Variants in OXCT1 observed in about 807,000 individuals in gnomAD.
OXCT1 encodes the protein 3-oxoacid CoA-transferase 1.
In OXCT1, 27 loss-of-function variants were observed where a neutral mutation model predicts 69.6. The observed-to-expected ratio is 0.39, with a 90% CI of 0.29 to 0.54. The LOEUF is 0.54. OXCT1 is among the 20% of genes least tolerant of loss of function. The pLI is 0.72. For missense variants in OXCT1, 437 were observed against 650.2 expected, an observed-to-expected ratio of 0.67 and a Z score of 3.57; for synonymous variants, 202 against 217.8, an observed-to-expected ratio of 0.93 and a Z score of 0.64.
chr5:41,787,919 G>GA (rs976521025), intron 13 of OXCT1, among the ~76,000 whole-genome samples: 12 of 151,884 alleles, frequency 7.9e-5, no homozygotes, highest in Non-Finnish European at 1.6e-4. Flanking sequence ...CAAGCAGAAG[G>GA]AAAAAAACAT....
At chr5:41,770,654 C>T (rs1283580743) in intron 13 of OXCT1, among the ~76,000 whole-genome samples, 3 of 152,104 alleles carry the variant, frequency 2.0e-5, no homozygotes, top group Non-Finnish European at 4.4e-5. Flanking sequence ...CTCAATGTTT[C>T]TGAGGCCAAA....
Position 41,794,505 on chromosome 5 carries a change from T to C in OXCT1, c.1172+172A>G, listed in dbSNP as rs566689628. 8 of 655,482 alleles carry C rather than the reference T, an allele frequency of 1.2e-5. No homozygotes were observed. The South Asian group carries it at 1.5e-4, about 12-fold the overall frequency. The allele number at this position is 655,482 out of a possible 1,614,324, so 40.6% of individuals were successfully genotyped here. On this transcript the variant is annotated intron_variant, in intron 12 of 16. Transcript: ENST00000196371. The stretch of plus-strand genomic sequence containing the variant: ...TCTTTTCCTAACAGTGGGCTGGATA[T>C]TCAATGCCCAACATTCGATGTGAAT...
chr5:41,819,237 T>G (rs1261511890), intron 7 of OXCT1, among the ~76,000 whole-genome samples: 2 of 152,190 alleles, frequency 1.3e-5, no homozygotes, highest in Non-Finnish European at 1.5e-5. Flanking sequence ...AAGATAATTT[T>G]TTTTTAGGAG....
chr5:41,861,643 G>A (rs1749745102), intron 2 of OXCT1, among the ~76,000 whole-genome samples: 1 of 152,146 alleles, frequency 6.6e-6, no homozygotes, highest in Non-Finnish European at 1.5e-5. Context: ...TAAGCCAAGT[G>A]CAACCAGTTT....
intron 3 of OXCT1, among the ~76,000 whole-genome samples, chr5:41,856,571 C>T (rs1160040676): frequency 6.6e-6 from 1 of 152,146 alleles, no homozygotes; most frequent in Non-Finnish European, 1.5e-5. Context: ...CTCTTTCCTA[C>T]CCCCGGCACT....
At chr5:41,856,969 A>G (rs909079779) in intron 3 of OXCT1, among the ~76,000 whole-genome samples, 3 of 152,032 alleles carry the variant, frequency 2.0e-5, no homozygotes, top group Admixed American at 2.0e-4. Context: ...ATTCCCCCAA[A>G]TTCAACTCCA....
intron 13 of OXCT1, among the ~76,000 whole-genome samples, chr5:41,767,019 C>A (rs2112121256): frequency 6.6e-6 from 1 of 152,210 alleles, no homozygotes; most frequent in African/African-American, 2.4e-5. Context: ...TATCTGTCTT[C>A]CCCATTATTA....
At chr5:41,855,928 G>A (rs567725774) in intron 3 of OXCT1, among the ~76,000 whole-genome samples, 1 of 152,242 alleles carries the variant, frequency 6.6e-6, no homozygotes, top group Admixed American at 6.5e-5. Context: ...TGGGGTGGAG[G>A]TGTAGAGAAA....
Position 41,731,739 on chromosome 5 carries a change from A to AT in OXCT1, c.1552dup (p.Ile518AsnfsTer18). ...ACAAATATCCATATTTCAATTTGCG[A>AT]TCTGCTGCATTGGCATGAGTTTTGG... On this transcript the variant is annotated frameshift_variant, in exon 17 of 17. Coordinates refer to ENST00000196371, the MANE Select transcript of OXCT1 (RefSeq NM_000436.4). LOFTEE classifies it high-confidence loss of function. 6.2e-7 allele frequency: 1 copy of AT among 1,609,606 alleles called. No individual in the cohort carries two copies. Among genetic ancestry groups the AT allele is most frequent in the Non-Finnish European group, 8.5e-7 (1 of 1,177,800 alleles).
At chr5:41,860,510 A>G (rs1749682215) in intron 3 of OXCT1, among the ~76,000 whole-genome samples, 1 of 152,172 alleles carries the variant, frequency 6.6e-6, no homozygotes, top group Admixed American at 6.5e-5. Flanking sequence ...GTCTCCCAGA[A>G]GGAAACAGAC....
At chr5:41,738,011 C>T (rs775019329) in intron 16 of OXCT1, among the ~76,000 whole-genome samples, 10 of 151,776 alleles carry the variant, frequency 6.6e-5, no homozygotes, top group Admixed American at 2.6e-4. Flanking sequence ...GCCAAGATCG[C>T]GCCACTGCAC....
chr5:41,790,584 T>C (rs982536849), intron 13 of OXCT1, among the ~76,000 whole-genome samples: 24 of 152,216 alleles, frequency 1.6e-4, no homozygotes, highest in African/African-American at 5.3e-4. Flanking sequence ...GCTATAATGA[T>C]TGATGATAAT....
At chr5:41,815,021 G>T (rs895321652) in intron 7 of OXCT1, among the ~76,000 whole-genome samples, 1 of 151,888 alleles carries the variant, frequency 6.6e-6, no homozygotes, top group East Asian at 1.9e-4. Context: ...ATTGTAAAAC[G>T]CAGGATGTGA....
At chr5:41,735,820 T>G (rs1208399436) in intron 16 of OXCT1, among the ~76,000 whole-genome samples, 1 of 152,210 alleles carries the variant, frequency 6.6e-6, no homozygotes, top group Non-Finnish European at 1.5e-5. Flanking sequence ...AACCTTAACA[T>G]GTGAAACTCA....
In OXCT1 at chr5:41,870,341, G is replaced by T; in HGVS notation, c.18C>A (p.Leu6=). The T allele has an allele frequency of 6.2e-7, 1 of 1,613,706 alleles. No homozygotes were observed. Among genetic ancestry groups the T allele is most frequent in the South Asian group, 1.1e-5 (1 of 91,050 alleles). Residue 6 remains leucine (L), a synonymous_variant, in exon 1 of 17, where the codon CTC becomes CTA. Coordinates refer to ENST00000196371, the MANE Select transcript of OXCT1 (RefSeq NM_000436.4). The surrounding 1 kb of genome is among the most constrained non-coding windows in gnomAD (Gnocchi z 4.2). The stretch of plus-strand genomic sequence containing the variant: ...CGCAGAGCCGAAGCCCGGAGGAGAG[G>T]AGTTTGAGAGCCGCCATCTTCGGGC... MAALK[L]LSSGLRLCAS... is the part of the protein sequence containing the mutation.
At chr5:41,813,677 T>TC (rs1747093752) in intron 7 of OXCT1, among the ~76,000 whole-genome samples, 1 of 151,692 alleles carries the variant, frequency 6.6e-6, no homozygotes, top group Admixed American at 6.6e-5. Context: ...CGCTCATGCC[T>TC]CCAAGTATTT....
intron 6 of OXCT1, among the ~76,000 whole-genome samples, chr5:41,841,283 A>G (rs139072443): frequency 6.6e-6 from 1 of 152,278 alleles, no homozygotes; most frequent in East Asian, 1.9e-4. Flanking sequence ...TGAGCCACCA[A>G]TATTTCTTTT....
intron 13 of OXCT1, among the ~76,000 whole-genome samples, chr5:41,767,502 C>T (rs1041650298): frequency 3.3e-5 from 5 of 151,466 alleles, no homozygotes; most frequent in Non-Finnish European, 2.9e-5. Flanking sequence ...CTCAGGGATG[C>T]TCTATGTCAT....
chr5:41,740,683 GT>G (rs1579633499), intron 15 of OXCT1, among the ~76,000 whole-genome samples: 1 of 152,286 alleles, frequency 6.6e-6, no homozygotes, highest in East Asian at 1.9e-4. Flanking sequence ...AGTCAATGAG[GT>G]TCTGCTTAGA....
Sources: gnomAD v4.1 joint callset for allele counts (sites outside exome capture counted in the v4.1 genomes callset) on GRCh38, gnomAD v4.1.1 for gene constraint, Gnocchi (gnomAD v3.1) non-coding constraint, MANE v1.5 for transcripts, NCBI Gene and HGNC (gene_info 2026-07-23, HGNC 2026-07-21) for gene names.